Variants in PPIL4 observed in about 807,000 individuals in gnomAD.
PPIL4 encodes the protein peptidyl-prolyl cis-trans isomerase-like 4.
A neutral mutation model predicts 69.1 loss-of-function variants in PPIL4; 50 were observed. The ratio of observed to expected loss-of-function variants is 0.72; its 90% CI spans 0.58 to 0.92. The LOEUF (loss-of-function observed/expected upper bound fraction) is 0.92. Among genes scored for constraint, PPIL4 ranks in the 40% least tolerant of loss-of-function variants. The probability of loss-of-function intolerance (pLI) is 0.00; values close to 1 mark genes in which losing one functional copy is unlikely to be tolerated. For synonymous variants in PPIL4, 193 were observed against 191.6 expected (o/e 1.01, Z -0.06); for missense variants, 480 against 587.9 (o/e 0.82, Z 1.90).
At chr6:149,538,229 G>C (rs1174526443) in intron 4 of PPIL4, among the ~76,000 whole-genome samples, 1 of 151,682 alleles carries the variant, frequency 6.6e-6, no homozygotes, top group Non-Finnish European at 1.5e-5. Context: ...CTGCACCACT[G>C]TACTCAACCT....
intron 10 of PPIL4, among the ~76,000 whole-genome samples, chr6:149,518,558 A>T (rs1219084623): frequency 6.6e-6 from 1 of 152,230 alleles, no homozygotes; most frequent in East Asian, 1.9e-4. Context: ...AGCAAAAAAG[A>T]CAAGATCAAT....
At chr6:149,531,238 G>A (rs1003575845) in intron 7 of PPIL4, among the ~76,000 whole-genome samples, 2 of 151,512 alleles carry the variant, frequency 1.3e-5, no homozygotes, top group Admixed American at 6.6e-5. Context: ...GGTGGCAGGC[G>A]CCTGTAATCC....
Position 149,521,163 on chromosome 6 carries a change from A to T in PPIL4, c.879T>A (p.Asp293Glu). ...CCATTTTGAAGAATGCTTTCTCACA[A>T]TCTTCTTCCTGATAATAATTATAAA... The part of the protein sequence containing the change: ...YAFIEFEKEE[D>E]CEKAFFKMDN... Residue 293 changes from aspartate to glutamate, a missense_variant, in exon 10 of 13, where the codon GAT (aspartate) becomes GAA (glutamate). Coordinates refer to ENST00000253329, the MANE Select transcript of PPIL4 (RefSeq NM_139126.4). The T allele has an allele frequency of 6.6e-7, 1 of 1,525,336 alleles. No individual in the cohort carries two copies. Among genetic ancestry groups the T allele is most frequent in the African/African-American group, 1.4e-5 (1 of 72,708 alleles). 94.5% of individuals were successfully genotyped at this position (1,525,336 alleles called of 1,614,324 possible). A position where few individuals can be genotyped will look rare whatever the true frequency, so the allele number is the denominator to read the frequency against.
chr6:149,535,727 G>T lies in PPIL4; in HGVS notation c.333C>A (p.Thr111=), dbSNP rs1317696517. 6.3e-7 allele frequency: 1 copy of T among 1,598,800 alleles called. No individual in the cohort carries two copies. The highest frequency in any genetic ancestry group is 1.1e-5 in the South Asian group (1 of 88,538). ...SDQHGSQFLI[T]TGENLDYLDG... is the part of the protein sequence containing the mutation. Reference sequence around the variant, plus strand: ...CAAGATAATCTAGATTTTCTCCTGTGGTGATAAGAAACTATAAAGAAGGAC... The same window carrying T: ...CAAGATAATCTAGATTTTCTCCTGTTGTGATAAGAAACTATAAAGAAGGAC... Residue 111 remains threonine (T), a synonymous_variant, in exon 5 of 13, where the codon ACC becomes ACA. Transcript: ENST00000253329.
chr6:149,531,223 G>A (rs533335855), intron 7 of PPIL4, among the ~76,000 whole-genome samples: 1 of 152,136 alleles, frequency 6.6e-6, no homozygotes, highest in East Asian at 1.9e-4. Flanking sequence ...AAATTAGCTG[G>A]ATGTGGTGGC....
rs1583206738 is a variant in PPIL4, at chr6:149,521,045, G to A, written c.982+15C>T. ...AAAAAAAAGCAGAACAAAAACAAAA[G>A]ATAAACCATCATACCTTTTCCTTTC... On this transcript the variant is annotated intron_variant, in intron 10 of 12. Coordinates refer to ENST00000253329, the MANE Select transcript of PPIL4 (RefSeq NM_139126.4). The A allele has an allele frequency of 2.4e-6, 3 of 1,258,294 alleles. No homozygotes were observed. The highest frequency in any genetic ancestry group is 2.1e-5 in the Admixed American group (1 of 47,822). The allele number at this position is 1,258,294 out of a possible 1,614,324, so 77.9% of individuals were successfully genotyped here. A position where few individuals can be genotyped will look rare whatever the true frequency, so the allele number is the denominator to read the frequency against.
chr6:149,521,898 C>T (rs1210825708), intron 9 of PPIL4, among the ~76,000 whole-genome samples: 1 of 152,188 alleles, frequency 6.6e-6, no homozygotes, highest in Non-Finnish European at 1.5e-5. Flanking sequence ...ATCCCTGTTT[C>T]TGACACTGAC....
In PPIL4 at chr6:149,504,911, A is replaced by T. The variant is rs1380139280; in HGVS notation, c.*542T>A. 6.6e-6 allele frequency: 1 copy of T among 152,374 alleles called. No individual in the cohort carries two copies. The highest frequency in any genetic ancestry group is 2.4e-5 in the African/African-American group (1 of 41,426). 9.4% of individuals were successfully genotyped at this position (152,374 alleles called of 1,614,324 possible). A position where few individuals can be genotyped will look rare whatever the true frequency, so the allele number is the denominator to read the frequency against. On this transcript the variant is annotated 3_prime_UTR_variant, in exon 13 of 13. Transcript: ENST00000253329. ...TACTATATAGCAATAAAAATGAAAG[A>T]AAGTCACAGAAGTAAACATTTTGCC...
rs781646976 is a variant in PPIL4 at position 149,545,986 on chromosome 6, G to T, written c.20C>A (p.Thr7Asn). Residue 7 changes from threonine (T) to asparagine (N), a missense_variant, in exon 1 of 13, where the codon ACC (threonine) becomes AAC (asparagine). Thr to Asn is a moderately conservative substitution (Grantham distance 65). Coordinates refer to ENST00000253329, the MANE Select transcript of PPIL4 (RefSeq NM_139126.4). The part of the protein sequence containing the change: MAVLLE[T>N]TLGDVVIDLY... ...GTCGATGACGACGTCGCCTAAAGTG[G>T]TCTCCAGTAGAACCGCCATGGCGCC... The T allele has an allele frequency of 6.3e-7, 1 of 1,585,292 alleles. No individual in the cohort carries two copies. The highest frequency in any genetic ancestry group is 1.1e-5 in the South Asian group (1 of 87,934).
chr6:149,526,740 C>A lies in PPIL4; in HGVS notation c.715G>T (p.Glu239Ter). ...AATTTACACACAAACAGTACATTTT[C>A]TGGAGGTTTAATATCTGCATCAGGT... ...DLPDADIKPP[E>*]NVLFVCKLNP... Residue 239 changes from glutamate (E) to a stop codon, truncating the protein, a stop_gained, in exon 8 of 13, where the codon GAA becomes TAA. Coordinates refer to ENST00000253329, the MANE Select transcript of PPIL4 (RefSeq NM_139126.4). LOFTEE classifies it high-confidence loss of function. 2 of 1,612,902 alleles carry A rather than the reference C, an allele frequency of 1.2e-6. No homozygotes were observed. Among genetic ancestry groups the A allele is most frequent in the Non-Finnish European group, 1.7e-6 (2 of 1,179,210 alleles).
At chr6:149,534,093 C>T (rs1355545460) in intron 6 of PPIL4, among the ~76,000 whole-genome samples, 1 of 151,948 alleles carries the variant, frequency 6.6e-6, no homozygotes, top group Admixed American at 6.6e-5. Context: ...AAGGCAGAGG[C>T]CACAATGAGC....
At chr6:149,528,782 T>G (rs1198527383) in intron 7 of PPIL4, among the ~76,000 whole-genome samples, 5 of 152,188 alleles carry the variant, frequency 3.3e-5, no homozygotes, top group African/African-American at 4.8e-5. Context: ...GCATAGAAAC[T>G]TTATGCCTAC....
chr6:149,533,997 A>C (rs1213574846), intron 6 of PPIL4, among the ~76,000 whole-genome samples: 5 of 151,972 alleles, frequency 3.3e-5, no homozygotes, highest in Non-Finnish European at 7.4e-5. Flanking sequence ...CTCTACTAAA[A>C]ATACAAAAAT....
intron 9 of PPIL4, among the ~76,000 whole-genome samples, chr6:149,523,789 T>G (rs956411119): frequency 6.6e-6 from 1 of 152,204 alleles, no homozygotes; most frequent in African/African-American, 2.4e-5. Flanking sequence ...AATGAAATTT[T>G]ATTTGTGAGA....
chr6:149,528,887 C>T (rs1456160934), intron 7 of PPIL4, among the ~76,000 whole-genome samples: 1 of 152,170 alleles, frequency 6.6e-6, no homozygotes, highest in African/African-American at 2.4e-5. Context: ...AAAAAATATA[C>T]AAGCTGTGAT....
chr6:149,520,061 G>T (rs1293541066), intron 10 of PPIL4, among the ~76,000 whole-genome samples: 1 of 152,166 alleles, frequency 6.6e-6, no homozygotes, highest in Non-Finnish European at 1.5e-5. Flanking sequence ...GGACATGGAA[G>T]AGTAAAAATT....
rs551292658 is a variant in PPIL4, at chr6:149,506,411, G to A, written c.1228-707C>T. On this transcript the variant is annotated intron_variant, in intron 12 of 12. Transcript: ENST00000253329. ...TGCTTGAACCTGGGAGGCAGAGGTT[G>A]CGGTGAGCCAAGATTGCCCCACTGC... 7.9e-5 allele frequency among the ~76,000 whole-genome samples: 12 copies of A among 152,314 alleles called. No homozygotes were observed. In the East Asian group the frequency reaches 2.1e-3, roughly 27 times the overall value.
chr6:149,517,396 G>T lies in PPIL4; in HGVS notation c.1037C>A (p.Pro346Gln), dbSNP rs1361005354. The T allele has an allele frequency of 6.2e-7, 1 of 1,606,528 alleles. No individual in the cohort carries two copies. Among genetic ancestry groups the T allele is most frequent in the Non-Finnish European group, 8.5e-7 (1 of 1,174,630 alleles). The change falls in exon 11 of 13, where the codon CCA becomes CAA. Residue 346 changes from proline (P) to glutamine (Q), a missense_variant. Transcript: ENST00000253329. ...TTTATCTTTCAGAACCAAATTAGGT[G>T]GTTTATCCTGTTCTTTTTCATACTC... ...FKEYEKEQDK[P>Q]PNLVLKDKVK...
At chr6:149,514,629 A>G (rs985480519) in intron 11 of PPIL4, among the ~76,000 whole-genome samples, 2 of 150,494 alleles carry the variant, frequency 1.3e-5, no homozygotes, top group Admixed American at 6.6e-5. Flanking sequence ...GCTCAGAGCA[A>G]TGTTTTTCAA....
Sources: gnomAD v4.1 joint callset for allele counts (sites outside exome capture counted in the v4.1 genomes callset) on GRCh38, gnomAD v4.1.1 for gene constraint, MANE v1.5 for transcripts, NCBI Gene and HGNC (gene_info 2026-07-23, HGNC 2026-07-21) for gene names.